Variants in DCDC2C observed in about 807,000 individuals in gnomAD.
DCDC2C encodes doublecortin domain containing 2C.
A neutral mutation model predicts 45.0 loss-of-function variants in DCDC2C; 44 were observed. The ratio of observed to expected loss-of-function variants is 0.98; its 90% confidence interval spans 0.77 to 1.26. DCDC2C has a LOEUF of 1.26. Ranked by LOEUF, DCDC2C falls within the 50% of genes most tolerant of loss-of-function variation. DCDC2C has a pLI of 0.00. For missense variants in DCDC2C, 447 were observed against 468.9 expected, an observed-to-expected ratio of 0.95 and a Z score of 0.43; for synonymous variants, 187 against 178.8, an observed-to-expected ratio of 1.05 and a Z score of -0.37.
At chr2:3,741,637 C>T (rs73144810) in intron 3 of DCDC2C, among the ~76,000 whole-genome samples, 2,600 of 152,054 alleles carry the variant, frequency 0.017, 72 homozygotes, top group African/African-American at 0.06. Flanking sequence ...CACCTTCACT[C>T]CTAGTGCTCT....
chr2:3,745,272 C>T (rs986924655), intron 4 of DCDC2C, among the ~76,000 whole-genome samples: 2 of 152,182 alleles, frequency 1.3e-5, no homozygotes, highest in African/African-American at 4.8e-5. Flanking sequence ...GGGCATGAGC[C>T]ACTGCACCCA....
intron 2 of DCDC2C, among the ~76,000 whole-genome samples, chr2:3,711,820 A>G (rs1668218450): frequency 3.3e-5 from 5 of 152,230 alleles, no homozygotes; most frequent in Admixed American, 2.6e-4. Context: ...TTTACTATTT[A>G]CTTCTGGATT....
intron 6 of DCDC2C, among the ~76,000 whole-genome samples, chr2:3,755,492 G>A (rs1000034565): frequency 1.4e-5 from 2 of 147,480 alleles, no homozygotes; most frequent in African/African-American, 2.4e-5. Context: ...TGTGTACACA[G>A]GAGTACACGT....
At chr2:3,704,138 T>A in intron 1 of DCDC2C, 100 bp downstream of exon 1, 2 of 1,077,116 alleles carry the variant, frequency 1.9e-6, no homozygotes, top group Non-Finnish European at 2.4e-6. Flanking sequence ...TCCCCAGGCT[T>A]CCCTCCCGGC....
At chr2:3,738,531 T>C (rs73910351) in intron 3 of DCDC2C, among the ~76,000 whole-genome samples, 5,296 of 114,246 alleles carry the variant, frequency 0.046, 497 homozygotes, top group African/African-American at 0.17. Context: ...TTTCTGCTGG[T>C]CTATCTGGGA....
At chr2:3,801,995 A>T (rs1185531468) in intron 10 of DCDC2C, among the ~76,000 whole-genome samples, 1 of 152,170 alleles carries the variant, frequency 6.6e-6, no homozygotes, top group African/African-American at 2.4e-5. Flanking sequence ...GTGTCCCATC[A>T]ATGTCATGTT....
intron 10 of DCDC2C, among the ~76,000 whole-genome samples, chr2:3,826,609 G>A (rs186924751): frequency 3.3e-5 from 5 of 152,138 alleles, no homozygotes; most frequent in South Asian, 4.2e-4. Flanking sequence ...ATCTTGAAGC[G>A]TGCTAGCTGG....
chr2:3,753,200 G>A (rs1052386015), intron 5 of DCDC2C, among the ~76,000 whole-genome samples: 1 of 152,208 alleles, frequency 6.6e-6, no homozygotes, highest in Non-Finnish European at 1.5e-5. Flanking sequence ...GCTGATTCTA[G>A]GCACAGTTAT....
At position 3,800,400 on chromosome 2, in the gene DCDC2C, A is replaced by G. The variant is rs557133897; in HGVS notation, c.1065+15300A>G. Reference sequence around the variant, plus strand: ...GGCCATCTTGGCTCCTCCCTCTGCAAATTTGAAGTTTTTTGAATGCTCAAA... The same window carrying G: ...GGCCATCTTGGCTCCTCCCTCTGCAGATTTGAAGTTTTTTGAATGCTCAAA... On this transcript the variant is annotated intron_variant, in intron 10 of 10. Transcript: ENST00000399143. Among the ~76,000 whole-genome samples, 5 of 152,228 alleles carry G rather than the reference A, an allele frequency of 3.3e-5. No individual in the cohort carries two copies. The East Asian group carries it at 9.7e-4, about 30-fold the overall frequency.
At chr2:3,741,418 T>G (rs1669202047) in intron 3 of DCDC2C, among the ~76,000 whole-genome samples, 1 of 152,196 alleles carries the variant, frequency 6.6e-6, no homozygotes, top group Non-Finnish European at 1.5e-5. Context: ...AATCTGGGCA[T>G]TTTAGATTTT....
intron 10 of DCDC2C, among the ~76,000 whole-genome samples, chr2:3,800,247 C>G (rs1200772819): frequency 6.6e-6 from 1 of 152,200 alleles, no homozygotes; most frequent in African/African-American, 2.4e-5. Flanking sequence ...TGCGCGCACC[C>G]ACTGACCTGC....
intron 2 of DCDC2C, among the ~76,000 whole-genome samples, chr2:3,718,756 G>T (rs1307996199): frequency 6.6e-6 from 1 of 152,142 alleles, no homozygotes; most frequent in Admixed American, 6.5e-5. Flanking sequence ...CCTGCCGGTG[G>T]GTTTGTCGTC....
intron 9 of DCDC2C, among the ~76,000 whole-genome samples, chr2:3,779,264 G>T (rs1294275805): frequency 1.3e-5 from 2 of 152,244 alleles, no homozygotes; most frequent in African/African-American, 2.4e-5. Flanking sequence ...GTGCTGACTG[G>T]CGTAGTTTGT....
rs548454830 is a variant in DCDC2C at position 3,734,252 on chromosome 2, C to T, written c.416+7173C>T. Among the ~76,000 whole-genome samples, 182 of 152,332 alleles carry T rather than the reference C, an allele frequency of 1.2e-3. No individual in the cohort carries two copies. Among genetic ancestry groups the T allele is most frequent in the African/African-American group, 4.1e-3 (170 of 41,570 alleles). ...TTCAGCCACCTGGGCTGATGTAACA[C>T]ATGGCAGGGCTAGATAGCCAAGAGG... On this transcript the variant is annotated intron_variant, in intron 3 of 10. Coordinates refer to ENST00000399143, the MANE Select transcript of DCDC2C (RefSeq NM_001287444.2). The surrounding 1 kb of genome is among the most constrained non-coding windows in gnomAD (Gnocchi z 4.2).
At chr2:3,735,364 T>G (rs931898777) in intron 3 of DCDC2C, among the ~76,000 whole-genome samples, 1 of 152,112 alleles carries the variant, frequency 6.6e-6, no homozygotes. Context: ...GCTGCACCCA[T>G]TAACTCATCA....
At chr2:3,731,628 C>G (rs1490718229) in intron 3 of DCDC2C, among the ~76,000 whole-genome samples, 1 of 152,160 alleles carries the variant, frequency 6.6e-6, no homozygotes, top group Non-Finnish European at 1.5e-5. Context: ...CAAATAATTT[C>G]CTGTGATGCT....
chr2:3,715,327 A>G (rs1668320881), intron 2 of DCDC2C, among the ~76,000 whole-genome samples: 1 of 152,138 alleles, frequency 6.6e-6, no homozygotes, highest in Admixed American at 6.5e-5. Context: ...CTCCTGAGAG[A>G]TTATACCAAG....
At chr2:3,817,513 T>G (rs1167148901) in intron 10 of DCDC2C, among the ~76,000 whole-genome samples, 1 of 152,034 alleles carries the variant, frequency 6.6e-6, no homozygotes, top group Non-Finnish European at 1.5e-5. Context: ...AGAAAATAGA[T>G]TTTGGAAGTT....
At chr2:3,741,776 C>T in intron 3 of DCDC2C, 144 bp from the exon 4 acceptor site, 3 of 876,776 alleles carry the variant, frequency 3.4e-6, no homozygotes, top group East Asian at 3.1e-5. Flanking sequence ...ATAAGGTCCC[C>T]AATAAGACAT....
Sources: gnomAD v4.1 joint callset for allele counts (sites outside exome capture counted in the v4.1 genomes callset) on GRCh38, gnomAD v4.1.1 for gene constraint, Gnocchi (gnomAD v3.1) non-coding constraint, MANE v1.5 for transcripts, NCBI Gene and HGNC (gene_info 2026-07-23, HGNC 2026-07-21) for gene names.